Variants in DNAJC3 observed in about 807,000 individuals in gnomAD.
The protein encoded by DNAJC3 is DnaJ heat shock protein family (Hsp40) member C3, also known as dnaJ homolog subfamily C member 3.
DNAJC3 carries 38 observed loss-of-function variants against 68.6 expected under a neutral mutation model. That is an observed-to-expected ratio of 0.55 (90% CI 0.43 to 0.73). DNAJC3 has a LOEUF of 0.73. DNAJC3 is among the 30% of genes least tolerant of loss of function. DNAJC3 has a pLI of 0.00. For synonymous variants in DNAJC3, 203 were observed against 204.0 expected, an observed-to-expected ratio of 1.00 and a Z score of 0.04; for missense variants, 526 against 591.9, an observed-to-expected ratio of 0.89 and a Z score of 1.16.
chr13:95,703,912 T>C (rs1273986249), intron 1 of DNAJC3, among the ~76,000 whole-genome samples: 1 of 152,162 alleles, frequency 6.6e-6, no homozygotes, highest in Non-Finnish European at 1.5e-5. Context: ...GTTTTTTGGT[T>C]GCTGTAACGT....
intron 9 of DNAJC3, among the ~76,000 whole-genome samples, chr13:95,785,452 C>CATT: frequency 1.3e-5 from 1 of 77,926 alleles, no homozygotes; most frequent in Non-Finnish European, 2.2e-5. Context: ...CCTTTTAAAC[C>CATT]TTTTTTTTTT....
Position 95,786,868 on chromosome 13 carries a change from T to C in DNAJC3, c.1209-139T>C, listed in dbSNP as rs907314334. ...ATCCAGAACTGTGTATGCAGATCTT[T>C]GGCCTGTGATACCATTGGAACTATT... On this transcript the variant is annotated intron_variant, in intron 10 of 11. Transcript: ENST00000602402. 4.1e-6 allele frequency: 4 copies of C among 964,468 alleles called. No individual in the cohort carries two copies. In the Admixed American group the frequency reaches 8.7e-5, roughly 21 times the overall value. The allele number at this position is 964,468 out of a possible 1,614,324, so 59.7% of individuals were successfully genotyped here. A position where few individuals can be genotyped will look rare whatever the true frequency, so the allele number is the denominator to read the frequency against.
intron 11 of DNAJC3, among the ~76,000 whole-genome samples, chr13:95,788,057 G>A (rs1043062081): frequency 3.3e-5 from 5 of 152,190 alleles, no homozygotes; most frequent in Non-Finnish European, 5.9e-5. Flanking sequence ...GGAATTGAAA[G>A]TAAATGATCC....
chr13:95,760,829 C>T (rs1440069406), intron 7 of DNAJC3, 31 bp downstream of exon 7: 1 of 1,601,764 alleles, frequency 6.2e-7, no homozygotes, highest in Non-Finnish European at 8.5e-7. Context: ...ACTGTCCAGC[C>T]ATTCCTTATG....
At chr13:95,685,966 CTT>C (rs374118316) in intron 1 of DNAJC3, among the ~76,000 whole-genome samples, 6 of 143,688 alleles carry the variant, frequency 4.2e-5, no homozygotes, top group African/African-American at 7.6e-5. Context: ...CCTTTGCCCA[CTT>C]TTTTTTTTTT....
intron 4 of DNAJC3, among the ~76,000 whole-genome samples, chr13:95,748,248 A>G (rs907616208): frequency 6.6e-6 from 1 of 152,196 alleles, no homozygotes; most frequent in Non-Finnish European, 1.5e-5. Flanking sequence ...ACTTTGACAG[A>G]GCAGAAACTT....
At chr13:95,746,632 GA>G (rs2139663320) in intron 4 of DNAJC3, among the ~76,000 whole-genome samples, 1 of 152,270 alleles carries the variant, frequency 6.6e-6, no homozygotes, top group African/African-American at 2.4e-5. Context: ...GAGTATAAAT[GA>G]TATATAAAAG....
intron 1 of DNAJC3, among the ~76,000 whole-genome samples, chr13:95,684,915 A>G (rs1168779799): frequency 2.0e-5 from 3 of 152,220 alleles, no homozygotes; most frequent in Admixed American, 2.0e-4. Context: ...TAGATTTCAG[A>G]TATATGGAAA....
At chr13:95,742,927 C>A in intron 4 of DNAJC3, 1 of 461,192 alleles carries the variant, frequency 2.2e-6, no homozygotes, top group Non-Finnish European at 4.3e-6. Context: ...TTTTTAAGCC[C>A]ATAGTCTATT....
rs1258101613 is a variant in DNAJC3, at chr13:95,740,391, C to T, written c.393+15139C>T. Reference sequence around the variant, plus strand: ...TTACCTAAGCAAGCCTGGGCAATGGCGGGCGCCCCTCCCCCAGCCTCGCTG... The same window carrying T: ...TTACCTAAGCAAGCCTGGGCAATGGTGGGCGCCCCTCCCCCAGCCTCGCTG... On this transcript the variant is annotated intron_variant, in intron 4 of 11. Coordinates refer to ENST00000602402, the MANE Select transcript of DNAJC3 (RefSeq NM_006260.5). Among the ~76,000 whole-genome samples, 198 of 152,074 alleles carry T rather than the reference C, an allele frequency of 1.3e-3. 1 individual carries two copies. Among genetic ancestry groups the T allele is most frequent in the Middle Eastern group, 6.8e-3 (2 of 294 alleles).
chr13:95,773,731 C>CTTTTTTTT (rs143145399), intron 9 of DNAJC3, among the ~76,000 whole-genome samples: 2 of 71,336 alleles, frequency 2.8e-5, no homozygotes, highest in Admixed American at 1.9e-4. Context: ...TTTTGTTGGT[C>CTTTTTTTT]TTTTTTTTTT....
Position 95,760,238 on chromosome 13 carries a change from C to T in DNAJC3, c.728+17C>T, listed in dbSNP as rs777716379. The T allele has an allele frequency of 7.3e-6, 11 of 1,504,350 alleles. No homozygotes were observed. In the South Asian group the frequency reaches 1.3e-4, roughly 18 times the overall value. The allele number at this position is 1,504,350 out of a possible 1,614,324, so 93.2% of individuals were successfully genotyped here. On this transcript the variant is annotated intron_variant, in intron 6 of 11. Coordinates refer to ENST00000602402, the MANE Select transcript of DNAJC3 (RefSeq NM_006260.5). ...GTCCCTCAGGTCAGTTCTAGTGACA[C>T]ACATGTCTGATCTTTTTTAATTGTT...
intron 4 of DNAJC3, among the ~76,000 whole-genome samples, chr13:95,736,355 G>T (rs1881918382): frequency 6.6e-6 from 1 of 150,444 alleles, no homozygotes; most frequent in Non-Finnish European, 1.5e-5. Flanking sequence ...CCAATTCTGT[G>T]AAGAAAGTCA....
At chr13:95,718,716 G>C (rs1378847227) in intron 2 of DNAJC3, among the ~76,000 whole-genome samples, 1 of 152,144 alleles carries the variant, frequency 6.6e-6, no homozygotes. Context: ...ATTGATTCTT[G>C]ATTCATGTGT....
rs1883752524 is a variant in DNAJC3 at position 95,790,968 on chromosome 13, T to C, written c.1453T>C (p.Trp485Arg). ...CCCTTTCCACAGAAGCTGGAACTCA[T>C]GGCAAGGGTTCAATCCCTTCAGCTC... ...GNPFHRSWNS[W>R]QGFNPFSSGG... Residue 485 changes from tryptophan (W) to arginine (R), a missense_variant, in exon 12 of 12, where the codon TGG becomes CGG. By Grantham distance (101) the Trp-to-Arg change is moderately radical. Coordinates refer to ENST00000602402, the MANE Select transcript of DNAJC3 (RefSeq NM_006260.5). 5 of 1,612,866 alleles carry C rather than the reference T, an allele frequency of 3.1e-6. No homozygotes were observed. In the South Asian group the frequency reaches 5.5e-5, roughly 18 times the overall value.
At chr13:95,729,222 C>T (rs1421880791) in intron 4 of DNAJC3, among the ~76,000 whole-genome samples, 2 of 125,676 alleles carry the variant, frequency 1.6e-5, no homozygotes, top group Non-Finnish European at 3.4e-5. Flanking sequence ...TCTTTTCCCC[C>T]GCCCTCTCCC....
At chr13:95,704,849 G>GTTTTTTTTTTTTTTTTTTTT (rs1292968162) in intron 1 of DNAJC3, among the ~76,000 whole-genome samples, 7 of 102,880 alleles carry the variant, frequency 6.8e-5, no homozygotes, top group African/African-American at 5.1e-4. Flanking sequence ...CTGTGTGTGT[G>GTTTTTTTTTTTTTTTTTTTT]TGTTTTTTTT....
At chr13:95,778,428 A>C (rs1883346401) in intron 9 of DNAJC3, among the ~76,000 whole-genome samples, 1 of 152,252 alleles carries the variant, frequency 6.6e-6, no homozygotes, top group South Asian at 2.1e-4. Context: ...CAATAGGCGA[A>C]AGCAATTTAA....
At chr13:95,770,306 G>A (rs1566509659) in intron 9 of DNAJC3, among the ~76,000 whole-genome samples, 1 of 151,898 alleles carries the variant, frequency 6.6e-6, no homozygotes, top group Non-Finnish European at 1.5e-5. Flanking sequence ...AATAGAAACA[G>A]ACTAAGTATA....
Sources: allele counts gnomAD v4.1 joint callset (sites outside exome capture counted in the v4.1 genomes callset), GRCh38; gene constraint gnomAD v4.1.1; transcripts MANE v1.5; gene names NCBI Gene and HGNC (gene_info 2026-07-23, HGNC 2026-07-21).